Variants in LYRM7 observed in about 807,000 individuals in gnomAD.
LYRM7 encodes the protein complex III assembly factor LYRM7.
A neutral mutation model predicts 15.8 loss-of-function variants in LYRM7; 9 were observed. That is an observed-to-expected ratio of 0.57 (90% CI 0.34 to 0.99). LYRM7 has a LOEUF of 0.99. LYRM7 is among the 50% of genes least tolerant of loss of function. LYRM7 has a pLI of 0.02. For synonymous variants in LYRM7, 39 were observed against 39.4 expected, an observed-to-expected ratio of 0.99 and a Z score of 0.04; for missense variants, 115 against 119.1, an observed-to-expected ratio of 0.97 and a Z score of 0.16.
intron 4 of LYRM7, among the ~76,000 whole-genome samples, chr5:131,191,192 C>CAT (rs1755881616): frequency 1.3e-5 from 2 of 151,170 alleles, no homozygotes; most frequent in Admixed American, 6.6e-5. Context: ...CATATATATA[C>CAT]ATATATATAT....
chr5:131,197,694 A>T (rs976366585), intron 4 of LYRM7, among the ~76,000 whole-genome samples: 7 of 151,328 alleles, frequency 4.6e-5, no homozygotes, highest in African/African-American at 1.5e-4. Flanking sequence ...GGTGTGCACC[A>T]CCATGCCTAG....
rs114418212 is a variant in LYRM7, at chr5:131,175,230, G to C, written c.18+4192G>C. On this transcript the variant is annotated intron_variant, in intron 1 of 4. Coordinates refer to ENST00000379380, the MANE Select transcript of LYRM7 (RefSeq NM_181705.4). ...TTTTTTTTTTTGGTGATGGAGTTTC[G>C]CTATTGTTGGCCAGGGCAGAGTGCA... 8.4e-3 allele frequency among the ~76,000 whole-genome samples: 1,134 copies of C among 134,544 alleles called. 12 individuals are homozygous for C. The highest frequency in any genetic ancestry group is 0.034 in the African/African-American group (1,091 of 32,252). The allele number at this position is 134,544 out of a possible 152,430, so 88.3% of individuals were successfully genotyped here.
intron 4 of LYRM7, among the ~76,000 whole-genome samples, chr5:131,196,996 TCTTA>T (rs2149666196): frequency 6.6e-6 from 1 of 152,282 alleles, no homozygotes; most frequent in Non-Finnish European, 1.5e-5. Context: ...AAATTAAATC[TCTTA>T]CTTATTTAAA....
chr5:131,171,560 T>C (rs1228305219), intron 1 of LYRM7: 1 of 152,336 alleles, frequency 6.6e-6, no homozygotes, highest in Non-Finnish European at 1.5e-5. Flanking sequence ...TGAATGAGCT[T>C]GGGATGTGAT....
At chr5:131,181,316 T>TATATATATATATATATATATACAC (rs1208669077) in intron 2 of LYRM7, among the ~76,000 whole-genome samples, 24 of 27,638 alleles carry the variant, frequency 8.7e-4, no homozygotes, top group South Asian at 1.7e-3. Flanking sequence ...TATATATATA[T>TATATATATATATATATATATACAC]ACACACACAC....
intron 1 of LYRM7, 31 bp downstream of exon 1, chr5:131,171,069 T>G: frequency 6.6e-7 from 1 of 1,513,048 alleles, no homozygotes; most frequent in Non-Finnish European, 8.8e-7. Context: ...GTGGGTACGA[T>G]GCCGTCGGGG....
At chr5:131,196,477 G>C (rs1755967550) in intron 4 of LYRM7, among the ~76,000 whole-genome samples, 2 of 152,030 alleles carry the variant, frequency 1.3e-5, no homozygotes, top group Non-Finnish European at 2.9e-5. Context: ...TGTTTAAAAG[G>C]AGCAGGCTGA....
At chr5:131,199,035 G>T (rs1266112053) in intron 4 of LYRM7, among the ~76,000 whole-genome samples, 1 of 152,122 alleles carries the variant, frequency 6.6e-6, no homozygotes, top group Non-Finnish European at 1.5e-5. Context: ...CATTACAGAA[G>T]GTTTAGCATC....
intron 1 of LYRM7, 79 bp downstream of exon 1, chr5:131,171,117 C>T: frequency 7.3e-7 from 1 of 1,377,892 alleles, no homozygotes; most frequent in South Asian, 1.6e-5. Flanking sequence ...TGTCTGGAGT[C>T]TCTGGAGGCT....
chr5:131,176,656 A>G (rs948465823), intron 1 of LYRM7, among the ~76,000 whole-genome samples: 2 of 151,956 alleles, frequency 1.3e-5, no homozygotes, highest in Admixed American at 6.6e-5. Flanking sequence ...TTGGGCTTCT[A>G]GTGAACCCAT....
intron 1 of LYRM7, among the ~76,000 whole-genome samples, chr5:131,175,192 A>G (rs1328842962): frequency 7.0e-6 from 1 of 142,960 alleles, no homozygotes; most frequent in Non-Finnish European, 1.5e-5. Flanking sequence ...CACCAGCTTC[A>G]ATCTCTTTTT....
At position 131,197,541 on chromosome 5, in the gene LYRM7, C is replaced by CTTTTTTT. The variant is rs60003952; in HGVS notation, c.245-1974_245-1968dup. On this transcript the variant is annotated intron_variant, in intron 4 of 4. Transcript: ENST00000379380. ...AATTTGTTTTAGTGTTGTCTTCTGT[C>CTTTTTTT]TTTTTTTTTTTTTTTTTTTTTTGAG... Among the ~76,000 whole-genome samples, 17 of 90,748 alleles carry CTTTTTTT rather than the reference C, an allele frequency of 1.9e-4. 1 individual carries two copies. Among genetic ancestry groups the CTTTTTTT allele is most frequent in the African/African-American group, 2.6e-4 (6 of 23,254 alleles). The allele number at this position is 90,748 out of a possible 152,430, so 59.5% of individuals were successfully genotyped here.
intron 4 of LYRM7, among the ~76,000 whole-genome samples, chr5:131,196,451 A>G (rs996752186): frequency 2.6e-5 from 4 of 152,080 alleles, no homozygotes; most frequent in Non-Finnish European, 2.9e-5. Flanking sequence ...TACTTCCAAG[A>G]AAGTCATTGT....
intron 1 of LYRM7, among the ~76,000 whole-genome samples, chr5:131,178,569 C>A (rs1042891486): frequency 2.6e-5 from 4 of 152,160 alleles, no homozygotes; most frequent in Admixed American, 2.6e-4. Context: ...CACAATCTGT[C>A]TTTTACCAAA....
At chr5:131,175,524 G>GTTTGTTTTGT (rs367920351) in intron 1 of LYRM7, among the ~76,000 whole-genome samples, 11 of 151,236 alleles carry the variant, frequency 7.3e-5, no homozygotes, top group African/African-American at 2.7e-4. Context: ...GGGTGTGTTT[G>GTTTGTTTTGT]TTTGTTTTGT....
In LYRM7 at chr5:131,187,065, G is replaced by T; in HGVS notation, c.200G>T (p.Arg67Ile). 6.4e-7 allele frequency: 1 copy of T among 1,563,288 alleles called. No homozygotes were observed. The highest frequency in any genetic ancestry group is 8.7e-7 in the Non-Finnish European group (1 of 1,147,680). Residue 67 changes from arginine (R) to isoleucine (I), a missense_variant, in exon 4 of 5, where the codon AGA (arginine) becomes ATA (isoleucine). By Grantham distance (97) the Arg-to-Ile change is moderately conservative. Coordinates refer to ENST00000379380, the MANE Select transcript of LYRM7 (RefSeq NM_181705.4). ...GGTTCTGATGTTGAATTATTACTCA[G>T]AACATCTGTTATACAAGGTATTCAC... ...KIGSDVELLLRTSVIQGIHTD... is the reference protein window; with the variant it reads ...KIGSDVELLLITSVIQGIHTD...
rs559793702 is a variant in LYRM7 at position 131,200,197 on chromosome 5, A to G, written c.*596A>G. On this transcript the variant is annotated 3_prime_UTR_variant, in exon 5 of 5. Transcript: ENST00000379380. ...CATTTTTTATCAGTTTTCTGAAAATAGATGAATAAAATATTATAGTCACCT... is the reference window on the plus strand; with the variant it reads ...CATTTTTTATCAGTTTTCTGAAAATGGATGAATAAAATATTATAGTCACCT... 1 of 152,452 alleles carries G rather than the reference A, an allele frequency of 6.6e-6. No homozygotes were observed. Among genetic ancestry groups the G allele is most frequent in the African/African-American group, 2.4e-5 (1 of 41,568 alleles). The allele number at this position is 152,452 out of a possible 1,614,324, so 9.4% of individuals were successfully genotyped here.
At chr5:131,194,009 CA>C (rs935835851) in intron 4 of LYRM7, among the ~76,000 whole-genome samples, 39 of 137,902 alleles carry the variant, frequency 2.8e-4, no homozygotes, top group African/African-American at 3.7e-4. Flanking sequence ...AACTCCGTCT[CA>C]AAAAAAAAAA....
chr5:131,172,537 A>C (rs932777183), intron 1 of LYRM7, among the ~76,000 whole-genome samples: 2 of 152,192 alleles, frequency 1.3e-5, no homozygotes, highest in Non-Finnish European at 2.9e-5. Context: ...AAGTCCTTGA[A>C]GTGGGGATTT....
Sources: gnomAD v4.1 joint callset for allele counts (sites outside exome capture counted in the v4.1 genomes callset) on GRCh38, gnomAD v4.1.1 for gene constraint, MANE v1.5 for transcripts, NCBI Gene and HGNC (gene_info 2026-07-23, HGNC 2026-07-21) for gene names.